The following FGF14 variants were observed in gnomAD, a reference collection of about 807,000 sequenced individuals.
FGF14 encodes the protein fibroblast growth factor homologous factor 4.
Under a neutral mutation model 25.5 loss-of-function variants are expected in FGF14, and 5 were observed. The observed-to-expected ratio is 0.20, with a 90% CI of 0.10 to 0.41. The LOEUF is 0.41. FGF14 is among the 10% of genes least tolerant of loss of function. FGF14 has a pLI of 1.00. For missense variants in FGF14, 222 were observed against 320.1 expected (o/e 0.69, Z 2.34); for synonymous variants, 138 against 118.3 (o/e 1.17, Z -1.08).
chr13:102,325,327 G>C (rs374341357), intron 1 of FGF14, among the ~76,000 whole-genome samples: 1 of 152,026 alleles, frequency 6.6e-6, no homozygotes, highest in African/African-American at 2.4e-5. Flanking sequence ...TTAGAAAAAC[G>C]TTGTGAAATT....
chr13:102,189,064 GAAAGAAAGAAAGAAAAAGAGAA>G (rs2049020691), intron 1 of FGF14, among the ~76,000 whole-genome samples: 1 of 122,878 alleles, frequency 8.1e-6, no homozygotes, highest in Non-Finnish European at 1.7e-5. Flanking sequence ...AAGAAGAAAA[GAAAGAAAGAAAGAAAAAGAGAA>G]AGAGAGAAAG....
chr13:102,351,274 C>T (rs1455638755), intron 1 of FGF14, among the ~76,000 whole-genome samples: 3 of 152,034 alleles, frequency 2.0e-5, no homozygotes, highest in Non-Finnish European at 1.5e-5. Flanking sequence ...CCCTTTGGAA[C>T]CTAAATCATA....
At chr13:102,161,641 A>AAGAAGG (rs2047724424) in intron 1 of FGF14, among the ~76,000 whole-genome samples, 2 of 14,692 alleles carry the variant, frequency 1.4e-4, no homozygotes, top group Non-Finnish European at 1.3e-4. Context: ...GAAGAAGAAG[A>AAGAAGG]AGAAGAAGAA....
intron 1 of FGF14, among the ~76,000 whole-genome samples, chr13:101,914,011 T>G (rs1228270983): frequency 6.6e-6 from 1 of 152,142 alleles, no homozygotes; most frequent in African/African-American, 2.4e-5. Context: ...TAACAGATTG[T>G]AAAGATTCAA....
intron 1 of FGF14, among the ~76,000 whole-genome samples, chr13:102,080,034 C>T (rs1398469842): frequency 6.6e-6 from 1 of 152,038 alleles, no homozygotes; most frequent in Non-Finnish European, 1.5e-5. Context: ...TCATGACGCA[C>T]CGGGCAAGGA....
intron 1 of FGF14, among the ~76,000 whole-genome samples, chr13:102,158,258 T>G (rs924734512): frequency 5.9e-5 from 9 of 152,228 alleles, no homozygotes; most frequent in African/African-American, 1.9e-4. Flanking sequence ...TAGCAAAGAC[T>G]TGGAACCAAC....
At chr13:102,168,003 C>T (rs2048093663) in intron 1 of FGF14, among the ~76,000 whole-genome samples, 1 of 152,040 alleles carries the variant, frequency 6.6e-6, no homozygotes, top group Admixed American at 6.6e-5. Flanking sequence ...TATGTAGTCG[C>T]TGACTCTCCT....
chr13:101,840,003 A>G (rs2043120604), intron 3 of FGF14, among the ~76,000 whole-genome samples: 1 of 151,974 alleles, frequency 6.6e-6, no homozygotes, highest in Non-Finnish European at 1.5e-5. Flanking sequence ...CCAGCAGTTT[A>G]ATAAATACTT....
At chr13:102,338,445 C>T (rs2056851466) in intron 1 of FGF14, among the ~76,000 whole-genome samples, 1 of 152,050 alleles carries the variant, frequency 6.6e-6, no homozygotes, top group South Asian at 2.1e-4. Context: ...TTTGGGGACC[C>T]CCAACCAAAA....
intron 3 of FGF14, among the ~76,000 whole-genome samples, chr13:101,793,685 C>T (rs1301370385): frequency 6.6e-6 from 1 of 152,054 alleles, no homozygotes; most frequent in Non-Finnish European, 1.5e-5. Context: ...CACTCATTCA[C>T]AGTCCCACCA....
chr13:102,107,900 T>C (rs958989712), intron 1 of FGF14, among the ~76,000 whole-genome samples: 1 of 152,190 alleles, frequency 6.6e-6, no homozygotes, highest in Non-Finnish European at 1.5e-5. Context: ...TCCTTAGCAA[T>C]AGAGATAGTA....
At chr13:101,885,526 G>C (rs904360132) in intron 1 of FGF14, among the ~76,000 whole-genome samples, 4 of 152,116 alleles carry the variant, frequency 2.6e-5, no homozygotes, top group African/African-American at 9.7e-5. Context: ...TGCTGGGAAA[G>C]GCACTACTCA....
intron 1 of FGF14, among the ~76,000 whole-genome samples, chr13:102,216,244 A>C (rs1383311469): frequency 6.6e-6 from 1 of 152,172 alleles, no homozygotes; most frequent in East Asian, 1.9e-4. Context: ...ACACAGGATG[A>C]GGTTTGGGAA....
At chr13:101,803,643 T>A (rs2041029356) in intron 3 of FGF14, among the ~76,000 whole-genome samples, 1 of 152,064 alleles carries the variant, frequency 6.6e-6, no homozygotes, top group South Asian at 2.1e-4. Flanking sequence ...TAATGCATTT[T>A]AAAAAATAAA....
chr13:102,226,034 T>C (rs1396169039), intron 1 of FGF14, among the ~76,000 whole-genome samples: 1 of 152,236 alleles, frequency 6.6e-6, no homozygotes, highest in Non-Finnish European at 1.5e-5. Flanking sequence ...GACATTGACA[T>C]TGAATTGACA....
intron 1 of FGF14, among the ~76,000 whole-genome samples, chr13:102,237,388 A>C (rs938367685): frequency 1.3e-5 from 2 of 152,168 alleles, no homozygotes; most frequent in Non-Finnish European, 2.9e-5. Flanking sequence ...AAAGCCCCGG[A>C]GAGGCTCTGG....
exon 1 of FGF14, chr13:102,401,647 G>A (rs1366241193): frequency 6.2e-7 from 1 of 1,614,114 alleles, no homozygotes; most frequent in Non-Finnish European, 8.5e-7. Flanking sequence ...TTTGAAATCA[G>A]TTCTCCTGAA....
At chr13:101,849,343 AATTTT>A (rs1210474278) in intron 3 of FGF14, among the ~76,000 whole-genome samples, 3 of 152,052 alleles carry the variant, frequency 2.0e-5, no homozygotes, top group Non-Finnish European at 4.4e-5. Flanking sequence ...GTTTGCTTAC[AATTTT>A]ATTTAAATGG....
chr13:102,236,232 C>G (rs1433491367), intron 1 of FGF14, among the ~76,000 whole-genome samples: 2 of 152,132 alleles, frequency 1.3e-5, no homozygotes, highest in South Asian at 4.1e-4. Context: ...TGTGGACTTG[C>G]CCGAATTATT....
Sources: allele counts gnomAD v4.1 joint callset (sites outside exome capture counted in the v4.1 genomes callset), GRCh38; gene constraint gnomAD v4.1.1; transcripts MANE v1.5; gene names NCBI Gene and HGNC (gene_info 2026-07-23, HGNC 2026-07-21).